Variants in CSNK2A2 observed in about 807,000 individuals in gnomAD.
The protein encoded by CSNK2A2 is casein kinase II subunit alpha'.
A neutral mutation model predicts 54.0 loss-of-function variants in CSNK2A2; 8 were observed. The observed-to-expected ratio is 0.15, with a 90% confidence interval of 0.09 to 0.27. The LOEUF (loss-of-function observed/expected upper bound fraction) is 0.27. Ranked by LOEUF, CSNK2A2 falls within the 10% of genes least tolerant of loss-of-function variation. The pLI is 1.00. For synonymous variants in CSNK2A2, 141 were observed against 153.9 expected (o/e 0.92, Z 0.62); for missense variants, 242 against 439.4 (o/e 0.55, Z 4.02).
At chr16:58,180,680 T>C (rs1396961148) in intron 4 of CSNK2A2, among the ~76,000 whole-genome samples, 1 of 152,120 alleles carries the variant, frequency 6.6e-6, no homozygotes, top group Non-Finnish European at 1.5e-5. Context: ...AGAAGGACCC[T>C]ATGACAAAAT....
At chr16:58,168,332 GAAACCACCAGCTGT>G (rs1329927098) in intron 6 of CSNK2A2, among the ~76,000 whole-genome samples, 1 of 152,174 alleles carries the variant, frequency 6.6e-6, no homozygotes, top group East Asian at 1.9e-4. Context: ...AAATGAAGCA[GAAACCACCAGCTGT>G]AATTTCTTTC....
At chr16:58,174,762 C>T (rs985099610) in intron 4 of CSNK2A2, among the ~76,000 whole-genome samples, 1 of 152,110 alleles carries the variant, frequency 6.6e-6, no homozygotes. Flanking sequence ...CAGATCTTTC[C>T]TATTTAATGC....
At chr16:58,159,503 C>A (rs1332848940) in intron 11 of CSNK2A2, 1 of 152,248 alleles carries the variant, frequency 6.6e-6, no homozygotes, top group Non-Finnish European at 1.5e-5. Context: ...GTTTATCCCT[C>A]CCCTCTCCCC....
chr16:58,177,027 C>T (rs1961899448), intron 4 of CSNK2A2, among the ~76,000 whole-genome samples: 1 of 152,188 alleles, frequency 6.6e-6, no homozygotes, highest in African/African-American at 2.4e-5. Flanking sequence ...CTCCCCACCA[C>T]CCAAGTATGC....
intron 2 of CSNK2A2, among the ~76,000 whole-genome samples, chr16:58,190,661 G>A (rs1246344304): frequency 6.6e-6 from 1 of 152,104 alleles, no homozygotes; most frequent in African/African-American, 2.4e-5. Context: ...TATTTAAAAA[G>A]GCAAGGCATA....
At chr16:58,183,233 T>A (rs1004189564) in intron 4 of CSNK2A2, among the ~76,000 whole-genome samples, 1 of 151,072 alleles carries the variant, frequency 6.6e-6, no homozygotes, top group Non-Finnish European at 1.5e-5. Flanking sequence ...AAAAATTAGC[T>A]GGGGGTAGTA....
In CSNK2A2 at chr16:58,197,358, C is replaced by T. The variant is rs958310536; in HGVS notation, c.104+275G>A. On this transcript the variant is annotated intron_variant, in intron 1 of 11. Coordinates refer to ENST00000262506, the MANE Select transcript of CSNK2A2 (RefSeq NM_001896.4). This position sits in a 1 kb window ranked among gnomAD's most constrained non-coding sequence, Gnocchi z 4.0. ...TGAGGAAGGGCAGCTCCCTCACTTC[C>T]ACCCGGCGTCGATCCCTGGACCCCA... Among the ~76,000 whole-genome samples, 1 of 152,268 alleles carries T rather than the reference C, an allele frequency of 6.6e-6. No individual in the cohort carries two copies. Among genetic ancestry groups the T allele is most frequent in the Non-Finnish European group, 1.5e-5 (1 of 68,050 alleles).
In CSNK2A2 at chr16:58,179,648, G is replaced by A. The variant is rs1011662502; in HGVS notation, c.369+4612C>T. Among the ~76,000 whole-genome samples, 4 of 152,206 alleles carry A rather than the reference G, an allele frequency of 2.6e-5. No homozygotes were observed. The East Asian group carries it at 7.7e-4, about 29-fold the overall frequency. ...CCAATTTTCCAAGTAAAAAGTCTTCGGAGAAAAATGCAAATTCACAATGTT... is the reference window on the plus strand; with the variant it reads ...CCAATTTTCCAAGTAAAAAGTCTTCAGAGAAAAATGCAAATTCACAATGTT... On this transcript the variant is annotated intron_variant, in intron 4 of 11. Coordinates refer to ENST00000262506, the MANE Select transcript of CSNK2A2 (RefSeq NM_001896.4).
At chr16:58,172,102 C>T (rs893122773) in intron 5 of CSNK2A2, among the ~76,000 whole-genome samples, 1 of 148,974 alleles carries the variant, frequency 6.7e-6, no homozygotes, top group African/African-American at 2.5e-5. Context: ...GATTTATAGG[C>T]GTGAGCCACC....
In CSNK2A2 at chr16:58,186,827, C is replaced by T. The variant is rs1962205507; in HGVS notation, c.246G>A (p.Glu82=). 1.2e-6 allele frequency: 2 copies of T among 1,613,878 alleles called. No individual in the cohort carries two copies. The highest frequency in any genetic ancestry group is 1.7e-6 in the Non-Finnish European group (2 of 1,179,922). ...CACGAAGGTTCTCCAGAATCTTAACCTCTCGTTTTATCTTCTTTTTCTTCA... is the reference window on the plus strand; with the variant it reads ...CACGAAGGTTCTCCAGAATCTTAACTTCTCGTTTTATCTTCTTTTTCTTCA... ...KPVKKKKIKR[E]VKILENLRGG... The change falls in exon 3 of 12, where the codon GAG becomes GAA. Residue 82 remains glutamate (E), a synonymous_variant. Coordinates refer to ENST00000262506, the MANE Select transcript of CSNK2A2 (RefSeq NM_001896.4).
Sources: allele counts gnomAD v4.1 joint callset (sites outside exome capture counted in the v4.1 genomes callset), GRCh38; gene constraint gnomAD v4.1.1; non-coding constraint Gnocchi (gnomAD v3.1); transcripts MANE v1.5; gene names NCBI Gene and HGNC (gene_info 2026-07-23, HGNC 2026-07-21).